The following RALGAPA1 variants were observed in gnomAD, a reference collection of about 807,000 sequenced individuals.
The protein encoded by RALGAPA1 is ral GTPase-activating protein subunit alpha-1.
In RALGAPA1, 52 loss-of-function variants were observed where a neutral mutation model predicts 269.6. The ratio of observed to expected loss-of-function variants is 0.19; its 90% CI spans 0.15 to 0.24. The LOEUF is 0.24. RALGAPA1 is among the 10% of genes least tolerant of loss of function. RALGAPA1 has a pLI of 1.00. For synonymous variants in RALGAPA1, 817 were observed against 1,008.3 expected (o/e 0.81, Z 3.60); for missense variants, 1,917 against 3,013.9 (o/e 0.64, Z 8.52).
chr14:35,682,444 G>A (rs1326286553), intron 21 of RALGAPA1, among the ~76,000 whole-genome samples: 4 of 151,896 alleles, frequency 2.6e-5, no homozygotes, highest in Non-Finnish European at 5.9e-5. Context: ...GGGACTATAC[G>A]CGCCCGCCAC....
chr14:35,696,560 G>A (rs530417769), intron 17 of RALGAPA1, among the ~76,000 whole-genome samples: 1 of 149,882 alleles, frequency 6.7e-6, no homozygotes, highest in African/African-American at 2.5e-5. Flanking sequence ...GAACAAATAA[G>A]GTACTTAGAA....
At chr14:35,582,716 G>C (rs10150503) in intron 37 of RALGAPA1, among the ~76,000 whole-genome samples, 16,858 of 152,176 alleles carry the variant, frequency 0.11, 1,495 homozygotes, top group East Asian at 0.31. Flanking sequence ...GCTTTATGGA[G>C]GGGGAGGGGA....
intron 41 of RALGAPA1, among the ~76,000 whole-genome samples, chr14:35,546,925 A>C (rs1007360537): frequency 1.3e-4 from 20 of 152,112 alleles, no homozygotes; most frequent in African/African-American, 4.6e-4. Flanking sequence ...TGCTACTCTT[A>C]AGAGTAAATA....
At chr14:35,667,857 T>C (rs574619608) in intron 26 of RALGAPA1, among the ~76,000 whole-genome samples, 3 of 152,338 alleles carry the variant, frequency 2.0e-5, no homozygotes, top group African/African-American at 4.8e-5. Flanking sequence ...CCTGCACTCT[T>C]GTGTTTACCA....
intron 31 of RALGAPA1, among the ~76,000 whole-genome samples, chr14:35,640,377 CAAAT>C (rs1273978043): frequency 6.6e-6 from 1 of 151,728 alleles, no homozygotes; most frequent in Non-Finnish European, 1.5e-5. Flanking sequence ...AAACAAGACT[CAAAT>C]AAAATCAGAA....
intron 17 of RALGAPA1, among the ~76,000 whole-genome samples, chr14:35,694,948 C>G (rs747914958): frequency 1.3e-5 from 2 of 151,988 alleles, no homozygotes; most frequent in Non-Finnish European, 2.9e-5. Flanking sequence ...GGCATGGTGG[C>G]GGACTTCTGT....
At chr14:35,683,786 C>A in intron 21 of RALGAPA1, 23 bp downstream of exon 21, 1 of 1,536,628 alleles carries the variant, frequency 6.5e-7, no homozygotes, top group South Asian at 1.3e-5. Context: ...ATTTAAGAAA[C>A]ACATTCCCAT....
At chr14:35,572,869 A>G in intron 37 of RALGAPA1, 151 bp from the exon 38 acceptor site, 1 of 468,150 alleles carries the variant, frequency 2.1e-6, no homozygotes, top group South Asian at 4.3e-5. Context: ...AACACTCAAA[A>G]ACATCAGGAG....
intron 39 of RALGAPA1, among the ~76,000 whole-genome samples, chr14:35,565,938 G>GA (rs1341381755): frequency 6.6e-6 from 1 of 151,974 alleles, no homozygotes; most frequent in East Asian, 1.9e-4. Context: ...GATTCCCACT[G>GA]AAAAAACAGA....
intron 12 of RALGAPA1, among the ~76,000 whole-genome samples, chr14:35,730,212 G>A (rs1036456906): frequency 2.0e-5 from 3 of 152,170 alleles, no homozygotes; most frequent in African/African-American, 7.2e-5. Context: ...CAGGGGTAGA[G>A]GAAGCAGTAG....
chr14:35,746,972 G>T (rs990265379), intron 10 of RALGAPA1, among the ~76,000 whole-genome samples: 7 of 151,596 alleles, frequency 4.6e-5, no homozygotes, highest in African/African-American at 1.7e-4. Flanking sequence ...CAAATCTCTG[G>T]CAAGAATCAT....
intron 41 of RALGAPA1, 79 bp downstream of exon 41, chr14:35,548,429 A>T: frequency 1.0e-6 from 1 of 954,836 alleles, no homozygotes; most frequent in Admixed American, 2.6e-5. Context: ...TGTTTAAGTT[A>T]CAAGCTTAGA....
Position 35,689,313 on chromosome 14 carries a change from G to A in RALGAPA1, c.3098C>T (p.Thr1033Ile), listed in dbSNP as rs2066271533. 1 of 1,232,016 alleles carries A rather than the reference G, an allele frequency of 8.1e-7. No individual in the cohort carries two copies. Among genetic ancestry groups the A allele is most frequent in the South Asian group, 4.1e-5 (1 of 24,322 alleles). The allele number at this position is 1,232,016 out of a possible 1,614,324, so 76.3% of individuals were successfully genotyped here. Residue 1033 changes from threonine to isoleucine, a missense_variant, in exon 18 of 42, where the codon ACT (threonine) becomes ATT (isoleucine). Thr to Ile is a moderately conservative substitution (Grantham distance 89). Transcript: ENST00000680220. The stretch of plus-strand genomic sequence containing the variant: ...GTTTAGTTGCTTAGATTTTTCAGAA[G>A]TTTGTGTTCTAAAAAAACTGTCTGA... The part of the protein sequence containing the change: ...NQSDSFFRTQ[T>I]SEKSKQLNTD...
chr14:35,718,906 C>G (rs776610307), intron 16 of RALGAPA1, among the ~76,000 whole-genome samples: 2 of 149,968 alleles, frequency 1.3e-5, no homozygotes, highest in African/African-American at 2.5e-5. Flanking sequence ...GTGGTGTGAT[C>G]TCAGCTTACT....
intron 6 of RALGAPA1, among the ~76,000 whole-genome samples, chr14:35,757,523 G>A (rs1033343844): frequency 4.6e-5 from 7 of 152,200 alleles, no homozygotes; most frequent in Admixed American, 4.6e-4. Flanking sequence ...TAACATCTCA[G>A]TTGAGAAAGA....
chr14:35,636,191 T>C (rs2061654551), intron 31 of RALGAPA1, among the ~76,000 whole-genome samples: 1 of 152,042 alleles, frequency 6.6e-6, no homozygotes, highest in African/African-American at 2.4e-5. Flanking sequence ...GACTACAAGG[T>C]GCACACCATC....
intron 39 of RALGAPA1, among the ~76,000 whole-genome samples, chr14:35,565,296 T>A (rs1719731388): frequency 6.8e-6 from 1 of 147,576 alleles, no homozygotes; most frequent in Non-Finnish European, 1.5e-5. Context: ...TGGTCAAACA[T>A]CAGTCTAGAT....
chr14:35,716,992 C>T (rs1239744691), intron 16 of RALGAPA1, among the ~76,000 whole-genome samples: 1 of 152,154 alleles, frequency 6.6e-6, no homozygotes, highest in Non-Finnish European at 1.5e-5. Context: ...ATCCTTTACA[C>T]ATTAATGTTT....
intron 1 of RALGAPA1, among the ~76,000 whole-genome samples, chr14:35,788,940 T>C (rs900480881): frequency 1.3e-5 from 2 of 152,170 alleles, no homozygotes; most frequent in African/African-American, 4.8e-5. Context: ...TATTCATTCA[T>C]GAACTAAATA....
Sources: gnomAD v4.1 joint callset for allele counts (sites outside exome capture counted in the v4.1 genomes callset) on GRCh38, gnomAD v4.1.1 for gene constraint, MANE v1.5 for transcripts, NCBI Gene and HGNC (gene_info 2026-07-23, HGNC 2026-07-21) for gene names.